PTPRD: variants seen among roughly 807,000 people sequenced by gnomAD.
The protein encoded by PTPRD is protein tyrosine phosphatase receptor type D, also known as receptor-type tyrosine-protein phosphatase delta.
A neutral mutation model predicts 214.5 loss-of-function variants in PTPRD; 34 were observed. The observed-to-expected ratio is 0.16, with a 90% confidence interval of 0.12 to 0.21. The LOEUF is 0.21. PTPRD is among the 10% of genes least tolerant of loss of function. PTPRD has a pLI of 1.00. For missense variants in PTPRD, 2,545 were observed against 2,398.7 expected (o/e 1.06, Z -1.27); for synonymous variants, 1,128 against 845.7 (o/e 1.33, Z -5.79).
chr9:8,757,117 G>A (rs1209907245), intron 11 of PTPRD, among the ~76,000 whole-genome samples: 1 of 152,122 alleles, frequency 6.6e-6, no homozygotes, highest in Non-Finnish European at 1.5e-5. Context: ...ACTCCAGCGT[G>A]GGCAACAGAG....
At position 8,317,292 on chromosome 9, in the gene PTPRD, G is replaced by T. The variant is rs1428284393; in HGVS notation, c.*582C>A. On this transcript the variant is annotated 3_prime_UTR_variant, in exon 46 of 46. Transcript: ENST00000381196. The stretch of plus-strand genomic sequence containing the variant: ...TAACTTTTTTAAAATTCACTTTATC[G>T]AATGATACATTTTGTTAAAAAAAAG... 4.3e-6 allele frequency: 1 copy of T among 231,824 alleles called. No individual in the cohort carries two copies. Among genetic ancestry groups the T allele is most frequent in the East Asian group, 6.1e-5 (1 of 16,384 alleles). 14.4% of individuals were successfully genotyped at this position (231,824 alleles called of 1,614,324 possible).
intron 4 of PTPRD, among the ~76,000 whole-genome samples, chr9:10,025,306 T>G (rs2096902930): frequency 6.6e-6 from 1 of 152,210 alleles, no homozygotes; most frequent in Non-Finnish European, 1.5e-5. Context: ...TTTCCTGACA[T>G]TTTAATGATC....
intron 4 of PTPRD, among the ~76,000 whole-genome samples, chr9:9,950,085 G>A (rs1015428485): frequency 4.6e-5 from 7 of 152,122 alleles, no homozygotes; most frequent in African/African-American, 1.7e-4. Flanking sequence ...CACATTTCCT[G>A]TATCACGTCA....
intron 2 of PTPRD, among the ~76,000 whole-genome samples, chr9:10,607,626 T>C (rs1190115250): frequency 6.6e-6 from 1 of 151,902 alleles, no homozygotes; most frequent in African/African-American, 2.4e-5. Flanking sequence ...ACATATCTAC[T>C]TGCTGCAACT....
At chr9:10,356,297 T>G (rs565203197) in intron 2 of PTPRD, among the ~76,000 whole-genome samples, 3 of 152,154 alleles carry the variant, frequency 2.0e-5, no homozygotes, top group Non-Finnish European at 4.4e-5. Flanking sequence ...TGTTCCATGC[T>G]GCCCATGCCA....
chr9:9,522,429 T>C lies in PTPRD; in HGVS notation c.-237+52303A>G, dbSNP rs181031621. On this transcript the variant is annotated intron_variant, in intron 8 of 45. Transcript: ENST00000381196. Reference sequence around the variant, plus strand: ...TGAAAACATAACCCATTTAACCAGATAGAACGAAAACAAGTAAGTTCAGCT... The same window carrying C: ...TGAAAACATAACCCATTTAACCAGACAGAACGAAAACAAGTAAGTTCAGCT... Among the ~76,000 whole-genome samples, 430 of 152,192 alleles carry C rather than the reference T, an allele frequency of 2.8e-3. 1 individual carries two copies. The highest frequency in any genetic ancestry group is 9.4e-3 in the African/African-American group (391 of 41,544).
chr9:8,744,182 A>G (rs1281964465), intron 11 of PTPRD, among the ~76,000 whole-genome samples: 1 of 148,088 alleles, frequency 6.8e-6, no homozygotes, highest in East Asian at 2.1e-4. Context: ...AAAAGGGAAC[A>G]CTTCTACACT....
chr9:10,482,817 C>A (rs1024059642), intron 2 of PTPRD, among the ~76,000 whole-genome samples: 7 of 151,934 alleles, frequency 4.6e-5, no homozygotes, highest in African/African-American at 1.7e-4. Context: ...ACAGATGACA[C>A]GAACAAATGG....
At chr9:9,602,272 A>G (rs546487337) in intron 7 of PTPRD, among the ~76,000 whole-genome samples, 1 of 152,190 alleles carries the variant, frequency 6.6e-6, no homozygotes, top group African/African-American at 2.4e-5. Context: ...CATTATACAA[A>G]TGATTTAGGC....
intron 11 of PTPRD, among the ~76,000 whole-genome samples, chr9:8,979,707 G>T (rs556776675): frequency 6.6e-6 from 1 of 152,164 alleles, no homozygotes; most frequent in South Asian, 2.1e-4. Flanking sequence ...ACAACCATAA[G>T]GATGGCTTTT....
intron 3 of PTPRD, among the ~76,000 whole-genome samples, chr9:10,045,517 T>C (rs1427929408): frequency 1.3e-5 from 2 of 151,804 alleles, no homozygotes; most frequent in African/African-American, 2.4e-5. Context: ...ATCTAAACAA[T>C]AAGATATTTT....
chr9:9,569,436 A>G (rs918236647), intron 8 of PTPRD, among the ~76,000 whole-genome samples: 3 of 151,824 alleles, frequency 2.0e-5, no homozygotes, highest in Admixed American at 1.3e-4. Context: ...TAAAGCTGAC[A>G]TATTAGAAGC....
intron 3 of PTPRD, among the ~76,000 whole-genome samples, chr9:10,053,524 A>C (rs1232035309): frequency 6.6e-6 from 1 of 152,140 alleles, no homozygotes; most frequent in African/African-American, 2.4e-5. Context: ...TAAATACTGG[A>C]AGCATATATT....
intron 12 of PTPRD, among the ~76,000 whole-genome samples, chr9:8,646,563 G>A (rs1208633403): frequency 6.6e-6 from 1 of 151,776 alleles, no homozygotes; most frequent in African/African-American, 2.4e-5. Context: ...TCCCACTTTT[G>A]AATTTACAGA....
intron 2 of PTPRD, among the ~76,000 whole-genome samples, chr9:10,495,533 T>G (rs1410537070): frequency 2.0e-5 from 3 of 151,874 alleles, no homozygotes; most frequent in African/African-American, 7.2e-5. Context: ...GTCTGATAAC[T>G]CTAACAGCTT....
At position 9,885,384 on chromosome 9, in the gene PTPRD, A is replaced by G. The variant is rs184592842; in HGVS notation, c.-368+53123T>C. Reference sequence around the variant, plus strand: ...CCTCATAGAATCTTTAACCTACACAAAAGTTCCACTGAGAATTTCAAGGAC... The same window carrying G: ...CCTCATAGAATCTTTAACCTACACAGAAGTTCCACTGAGAATTTCAAGGAC... On this transcript the variant is annotated intron_variant, in intron 5 of 45. Coordinates refer to ENST00000381196, the MANE Select transcript of PTPRD (RefSeq NM_002839.4). 2.2e-4 allele frequency among the ~76,000 whole-genome samples: 34 copies of G among 152,196 alleles called. No homozygotes were observed. In the East Asian group the frequency reaches 6.2e-3, roughly 28 times the overall value.
chr9:8,641,414 A>G (rs2096573237), intron 12 of PTPRD, among the ~76,000 whole-genome samples: 1 of 148,478 alleles, frequency 6.7e-6, no homozygotes. Context: ...GCTAATCACC[A>G]TTGCCATCTA....
chr9:10,284,626 T>C (rs2095278146), intron 3 of PTPRD, among the ~76,000 whole-genome samples: 1 of 152,208 alleles, frequency 6.6e-6, no homozygotes, highest in South Asian at 2.1e-4. Context: ...TTAGTTGGTT[T>C]CTTTGTTCAG....
At chr9:10,466,485 T>C (rs1355661780) in intron 2 of PTPRD, among the ~76,000 whole-genome samples, 2 of 151,002 alleles carry the variant, frequency 1.3e-5, no homozygotes, top group African/African-American at 4.9e-5. Flanking sequence ...TGACCAGGCG[T>C]GGTGGCGCAT....
Sources: allele counts gnomAD v4.1 joint callset (sites outside exome capture counted in the v4.1 genomes callset), GRCh38; gene constraint gnomAD v4.1.1; transcripts MANE v1.5; gene names NCBI Gene and HGNC (gene_info 2026-07-23, HGNC 2026-07-21).